Variants in LIPH observed in about 807,000 individuals in gnomAD.
LIPH encodes the protein lipase H, also known as lipase member H.
LIPH carries 32 observed loss-of-function variants against 47.6 expected under a neutral mutation model. That is an observed-to-expected ratio of 0.67 (90% CI 0.51 to 0.90). LIPH has a LOEUF of 0.90. LIPH is among the 40% of genes least tolerant of loss of function. LIPH has a pLI of 0.00. For missense variants in LIPH, 497 were observed against 541.4 expected (o/e 0.92, Z 0.81); for synonymous variants, 190 against 195.6 (o/e 0.97, Z 0.24).
At chr3:185,527,628 TC>T in intron 3 of LIPH, 43 bp from the exon 4 acceptor site, 1 of 1,266,814 alleles carries the variant, frequency 7.9e-7, no homozygotes, top group Middle Eastern at 1.9e-4. Flanking sequence ...ACACCATGAG[TC>T]ACCTGCAGCC....
At chr3:185,514,072 G>A (rs1719650262) in intron 8 of LIPH, among the ~76,000 whole-genome samples, 1 of 152,116 alleles carries the variant, frequency 6.6e-6, no homozygotes, top group Non-Finnish European at 1.5e-5. Flanking sequence ...CGAAAACAAG[G>A]ATAACTTTTG....
At chr3:185,514,876 G>A (rs1027428399) in intron 7 of LIPH, among the ~76,000 whole-genome samples, 1 of 152,150 alleles carries the variant, frequency 6.6e-6, no homozygotes, top group Non-Finnish European at 1.5e-5. Flanking sequence ...AGACCCTCCA[G>A]GGCTGAGACG....
chr3:185,517,191 A>G, intron 6 of LIPH, 29 bp from the exon 7 acceptor site: 2 of 1,144,982 alleles, frequency 1.7e-6, no homozygotes, highest in Non-Finnish European at 2.7e-6. Context: ...AAATTGTAAG[A>G]TTAATATGTA....
chr3:185,529,213 G>GAAAAAT (rs1720230624), intron 3 of LIPH, among the ~76,000 whole-genome samples: 1 of 126,942 alleles, frequency 7.9e-6, no homozygotes, highest in Non-Finnish European at 1.7e-5. Flanking sequence ...AAAAGAAAAA[G>GAAAAAT]AAAGAAAAAA....
At chr3:185,549,285 T>C (rs1374712771) in intron 1 of LIPH, among the ~76,000 whole-genome samples, 3 of 152,254 alleles carry the variant, frequency 2.0e-5, no homozygotes, top group African/African-American at 7.2e-5. Flanking sequence ...ATAAATGAGA[T>C]GCCAGATTTT....
chr3:185,538,058 C>G (rs140911492), intron 1 of LIPH, among the ~76,000 whole-genome samples: 1 of 152,146 alleles, frequency 6.6e-6, no homozygotes, highest in African/African-American at 2.4e-5. Flanking sequence ...CCACTTGCCT[C>G]GGCCTCCCAG....
At chr3:185,527,630 AC>A (rs1553822682) in intron 3 of LIPH, 45 bp from the exon 4 acceptor site, 1 of 1,256,028 alleles carries the variant, frequency 8.0e-7, no homozygotes, top group African/African-American at 1.5e-5. Flanking sequence ...ACCATGAGTC[AC>A]CTGCAGCCGG....
At position 185,539,012 on chromosome 3, in the gene LIPH, C is replaced by T. The variant is rs191710733; in HGVS notation, c.50-3880G>A. Among the ~76,000 whole-genome samples, 756 of 151,042 alleles carry T rather than the reference C, an allele frequency of 5.0e-3. 3 individuals carry two copies. Among genetic ancestry groups the T allele is most frequent in the Non-Finnish European group, 8.8e-3 (598 of 67,878 alleles). On this transcript the variant is annotated intron_variant, in intron 1 of 9. Transcript: ENST00000296252. ...TTTGAGACAGAGTCTTGCTCTGTTG[C>T]CAGGCTGGAGTGCAGTGGTGTGATC...
chr3:185,516,028 G>A (rs1384596269), intron 7 of LIPH, among the ~76,000 whole-genome samples: 2 of 152,016 alleles, frequency 1.3e-5, no homozygotes, highest in African/African-American at 2.4e-5. Context: ...CAGCTACTTG[G>A]GAGGCTGAGG....
At chr3:185,516,186 G>T (rs766207304) in intron 7 of LIPH, among the ~76,000 whole-genome samples, 4 of 151,916 alleles carry the variant, frequency 2.6e-5, no homozygotes, top group Non-Finnish European at 5.9e-5. Context: ...TAATCCCAGC[G>T]CTTTGAGAGG....
chr3:185,523,930 C>T (rs1468398187), intron 5 of LIPH, 141 bp downstream of exon 5: 1 of 621,056 alleles, frequency 1.6e-6, no homozygotes, highest in Non-Finnish European at 3.0e-6. Flanking sequence ...CTATGTTGGC[C>T]AGGCTCGTCT....
Position 185,509,741 on chromosome 3 carries a change from G to A in LIPH, c.1269-864C>T, listed in dbSNP as rs1007754050. On this transcript the variant is annotated intron_variant, in intron 9 of 9. Transcript: ENST00000296252. ...ATAACAATAAATATTAGCAGTGGTT[G>A]CCTCTGAATAATGACAATATGGGTG... Among the ~76,000 whole-genome samples the A allele has an allele frequency of 3.3e-5, 5 of 152,240 alleles. No individual in the cohort carries two copies. In the East Asian group the frequency reaches 9.6e-4, roughly 29 times the overall value.
chr3:185,533,113 C>T (rs1464240406), intron 3 of LIPH, among the ~76,000 whole-genome samples: 1 of 152,110 alleles, frequency 6.6e-6, no homozygotes, highest in Non-Finnish European at 1.5e-5. Flanking sequence ...GGTTTTCATT[C>T]AGTGTTGGCC....
At chr3:185,529,901 G>GAAAGA (rs1720257648) in intron 3 of LIPH, among the ~76,000 whole-genome samples, 1 of 138,672 alleles carries the variant, frequency 7.2e-6, no homozygotes, top group Non-Finnish European at 1.5e-5. Context: ...GAGAAAGAGA[G>GAAAGA]AAAGAAAAGA....
intron 4 of LIPH, among the ~76,000 whole-genome samples, chr3:185,527,128 A>G: frequency 6.6e-6 from 1 of 151,832 alleles, no homozygotes; most frequent in East Asian, 1.9e-4. Context: ...AATCCCAGAT[A>G]CTCGGGAGGC....
chr3:185,548,633 A>G lies in LIPH; in HGVS notation c.49+3790T>C, dbSNP rs1194548762. ...TCCCAGCTACTTGGGAGGCTGAGGC[A>G]GGAGAATCACTTGAACCTGGGAGGC... On this transcript the variant is annotated intron_variant, in intron 1 of 9. Coordinates refer to ENST00000296252, the MANE Select transcript of LIPH (RefSeq NM_139248.3). Among the ~76,000 whole-genome samples the G allele has an allele frequency of 2.6e-5, 4 of 152,126 alleles. No homozygotes were observed. The East Asian group carries it at 7.7e-4, about 29-fold the overall frequency.
Position 185,508,392 on chromosome 3 carries a change from G to T in LIPH, c.*398C>A, listed in dbSNP as rs1405558849. On this transcript the variant is annotated 3_prime_UTR_variant, in exon 10 of 10. Coordinates refer to ENST00000296252, the MANE Select transcript of LIPH (RefSeq NM_139248.3). ...TACGTGTGGGAACTGGAGGAATGTG[G>T]CACGGAGAATGCAGAGTTGAGTCCA... 1 of 235,976 alleles carries T rather than the reference G, an allele frequency of 4.2e-6. No homozygotes were observed. Among genetic ancestry groups the T allele is most frequent in the Non-Finnish European group, 8.5e-6 (1 of 118,160 alleles). The allele number at this position is 235,976 out of a possible 1,614,324, so 14.6% of individuals were successfully genotyped here.
intron 7 of LIPH, among the ~76,000 whole-genome samples, chr3:185,516,544 G>T (rs1308768053): frequency 1.3e-5 from 2 of 152,288 alleles, no homozygotes; most frequent in Admixed American, 6.5e-5. Flanking sequence ...GCTTCCCAAG[G>T]CGTCTAATCA....
intron 8 of LIPH, among the ~76,000 whole-genome samples, chr3:185,513,695 A>C (rs565123905): frequency 6.6e-6 from 1 of 152,304 alleles, no homozygotes; most frequent in South Asian, 2.1e-4. Flanking sequence ...TTGATGGAAG[A>C]ATAAACAAAA....
Sources: allele counts gnomAD v4.1 joint callset (sites outside exome capture counted in the v4.1 genomes callset), GRCh38; gene constraint gnomAD v4.1.1; transcripts MANE v1.5; gene names NCBI Gene and HGNC (gene_info 2026-07-23, HGNC 2026-07-21).